Variants in SLC24A2 observed in about 807,000 individuals in gnomAD.
SLC24A2 encodes the protein solute carrier family 24 member 2.
Under a neutral mutation model 62.0 loss-of-function variants are expected in SLC24A2, and 36 were observed. The ratio of observed to expected loss-of-function variants is 0.58; its 90% CI spans 0.44 to 0.77. SLC24A2 has a LOEUF of 0.77. Ranked by LOEUF, SLC24A2 falls within the 30% of genes least tolerant of loss-of-function variation. The pLI, the probability that SLC24A2 is intolerant of heterozygous loss-of-function variation, is 0.00. For missense variants in SLC24A2, 846 were observed against 817.9 expected (o/e 1.03, Z -0.42); for synonymous variants, 358 against 294.0 (o/e 1.22, Z -2.23).
At chr9:19,668,622 C>G (rs914228624) in intron 2 of SLC24A2, among the ~76,000 whole-genome samples, 1 of 152,138 alleles carries the variant, frequency 6.6e-6, no homozygotes, top group Non-Finnish European at 1.5e-5. Context: ...CACTGCAGCC[C>G]TCAAATTCCC....
At chr9:19,817,474 T>G in the SLC24A2 span, among the ~76,000 whole-genome samples, 2 of 151,794 alleles carry the variant, frequency 1.3e-5, no homozygotes, top group South Asian at 4.1e-4. Flanking sequence ...ATATAAATTA[T>G]ATATTAAATT....
chr9:19,555,648 T>G (rs1286757720), intron 7 of SLC24A2, among the ~76,000 whole-genome samples: 2 of 152,168 alleles, frequency 1.3e-5, no homozygotes, highest in Non-Finnish European at 2.9e-5. Context: ...CTTTATCAGG[T>G]TGAAAAGACT....
At chr9:19,771,940 A>G (rs1030792512) in intron 2 of SLC24A2, among the ~76,000 whole-genome samples, 1 of 152,118 alleles carries the variant, frequency 6.6e-6, no homozygotes, top group African/African-American at 2.4e-5. Context: ...TGGATGGGCA[A>G]GTTTGGTCCA....
intron 2 of SLC24A2, among the ~76,000 whole-genome samples, chr9:19,633,180 C>G (rs999710742): frequency 6.6e-6 from 1 of 151,970 alleles, no homozygotes; most frequent in Non-Finnish European, 1.5e-5. Flanking sequence ...ATGGATATAC[C>G]ACAGTTTAAT....
the SLC24A2 span, among the ~76,000 whole-genome samples, chr9:20,111,074 C>T: frequency 6.6e-6 from 1 of 152,154 alleles, no homozygotes; most frequent in South Asian, 2.1e-4. Context: ...ATCTTCCTGT[C>T]ACCCTTCTAG....
chr9:19,884,348 C>T, the SLC24A2 span, among the ~76,000 whole-genome samples: 63,067 of 151,916 alleles, frequency 0.42, 13,674 homozygotes, highest in East Asian at 0.84. Flanking sequence ...TTGATGATTA[C>T]TGGATGACAG....
chr9:20,102,952 G>C, the SLC24A2 span, among the ~76,000 whole-genome samples: 1 of 152,140 alleles, frequency 6.6e-6, no homozygotes, highest in African/African-American at 2.4e-5. Context: ...GTCAAAGAAA[G>C]GGGTGACAGA....
At chr9:19,851,084 C>T in the SLC24A2 span, among the ~76,000 whole-genome samples, 227 of 133,946 alleles carry the variant, frequency 1.7e-3, 2 homozygotes, top group African/African-American at 5.5e-3. Context: ...AGTGCAATGG[C>T]GTGATCTCGG....
chr9:19,649,295 C>CT (rs973125792), intron 2 of SLC24A2, among the ~76,000 whole-genome samples: 38 of 149,488 alleles, frequency 2.5e-4, no homozygotes, highest in East Asian at 3.9e-4. Context: ...AAGTATTCAA[C>CT]TTTTTTTTTT....
chr9:19,788,829 G>C (rs931706963), intron 1 of SLC24A2, 56 bp downstream of exon 1: 3 of 985,348 alleles, frequency 3.0e-6, no homozygotes, highest in Middle Eastern at 5.2e-4. Context: ...CCGGGATGCG[G>C]GGACGACCGC....
chr9:19,649,621 G>A (rs1366914652), intron 2 of SLC24A2, among the ~76,000 whole-genome samples: 2 of 152,110 alleles, frequency 1.3e-5, no homozygotes, highest in Non-Finnish European at 2.9e-5. Flanking sequence ...CTCAAACATA[G>A]GTTTCATTTG....
chr9:20,050,015 G>C, the SLC24A2 span, among the ~76,000 whole-genome samples: 1 of 152,026 alleles, frequency 6.6e-6, no homozygotes, highest in African/African-American at 2.4e-5. Flanking sequence ...ACAGCTTTCA[G>C]GTGTTAGTCA....
At chr9:20,003,571 A>C in the SLC24A2 span, among the ~76,000 whole-genome samples, 6 of 152,234 alleles carry the variant, frequency 3.9e-5, no homozygotes, top group African/African-American at 1.4e-4. Flanking sequence ...CCAAATGTTC[A>C]AAAACGGGGT....
the SLC24A2 span, among the ~76,000 whole-genome samples, chr9:19,915,218 CATA>C: frequency 6.6e-6 from 1 of 152,090 alleles, no homozygotes; most frequent in African/African-American, 2.4e-5. Flanking sequence ...CTTTCCTTAG[CATA>C]ATGTTTTCAA....
At chr9:19,642,986 C>CTTTTTTTTTT (rs71335441) in intron 2 of SLC24A2, among the ~76,000 whole-genome samples, 1 of 125,328 alleles carries the variant, frequency 8.0e-6, no homozygotes, top group African/African-American at 3.0e-5. Context: ...GGCCAGTATT[C>CTTTTTTTTTT]TTTTTTTTTT....
chr9:20,073,501 G>T, the SLC24A2 span, among the ~76,000 whole-genome samples: 1 of 152,126 alleles, frequency 6.6e-6, no homozygotes, highest in African/African-American at 2.4e-5. Flanking sequence ...CACTTAAGGG[G>T]AGGGAATTAT....
At chr9:20,159,612 G>A in the SLC24A2 span, among the ~76,000 whole-genome samples, 1 of 151,328 alleles carries the variant, frequency 6.6e-6, no homozygotes, top group African/African-American at 2.4e-5. Context: ...GAGAAAATGA[G>A]GAAGGAGAGA....
chr9:19,952,699 G>A, the SLC24A2 span, among the ~76,000 whole-genome samples: 22 of 144,448 alleles, frequency 1.5e-4, no homozygotes, highest in African/African-American at 4.6e-4. Flanking sequence ...AGGTGCAATC[G>A]TCTGTAGTTT....
chr9:19,542,079 G>A (rs1003496681), intron 8 of SLC24A2, among the ~76,000 whole-genome samples: 3 of 152,074 alleles, frequency 2.0e-5, no homozygotes, highest in Admixed American at 6.6e-5. Context: ...CACGGTGCAC[G>A]CACACACTGG....
Sources: allele counts gnomAD v4.1 joint callset (sites outside exome capture counted in the v4.1 genomes callset), GRCh38; gene constraint gnomAD v4.1.1; transcripts MANE v1.5; gene names NCBI Gene and HGNC (gene_info 2026-07-23, HGNC 2026-07-21).